The following PSMB2 variants were observed in gnomAD, a reference collection of about 807,000 sequenced individuals.
PSMB2 encodes the protein proteasome subunit beta type-2.
In PSMB2, 13 loss-of-function variants were observed where a neutral mutation model predicts 25.7. The ratio of observed to expected loss-of-function variants is 0.51; its 90% confidence interval spans 0.33 to 0.80. PSMB2 has a LOEUF of 0.80. Ranked by LOEUF, PSMB2 falls within the 30% of genes least tolerant of loss-of-function variation. The pLI is 0.02. For missense variants in PSMB2, 202 were observed against 259.0 expected, an observed-to-expected ratio of 0.78 and a Z score of 1.51; for synonymous variants, 87 against 96.2, an observed-to-expected ratio of 0.90 and a Z score of 0.56.
chr1:35,611,365 C>G (rs1337684775), intron 3 of PSMB2, among the ~76,000 whole-genome samples: 1 of 150,136 alleles, frequency 6.7e-6, no homozygotes, highest in Non-Finnish European at 1.5e-5. Context: ...AGGGGAGTAA[C>G]AGGCTTTTGT....
In PSMB2 at chr1:35,600,094, G is replaced by A. The variant is rs1036968303; in HGVS notation, c.*3173C>T. On this transcript the variant is annotated 3_prime_UTR_variant, in exon 6 of 6. Transcript: ENST00000373237. ...AAGTGAACTTACTGCAGTAAGCTAC[G>A]ATCGTGCCACTGTACTCCAGCCTAG... The A allele has an allele frequency of 4.7e-6, 4 of 850,354 alleles. No homozygotes were observed. The highest frequency in any genetic ancestry group is 6.2e-5 in the Admixed American group (1 of 16,094). The allele number at this position is 850,354 out of a possible 1,614,324, so 52.7% of individuals were successfully genotyped here.
intron 3 of PSMB2, among the ~76,000 whole-genome samples, chr1:35,618,464 G>T (rs546739232): frequency 3.5e-4 from 53 of 151,320 alleles, no homozygotes; most frequent in Non-Finnish European, 5.9e-4. Context: ...TAAAGAAAAT[G>T]ATTACAACGG....
At chr1:35,620,206 T>C (rs1650638655) in intron 3 of PSMB2, among the ~76,000 whole-genome samples, 1 of 152,234 alleles carries the variant, frequency 6.6e-6, no homozygotes, top group African/African-American at 2.4e-5. Context: ...TAGTTAGGAC[T>C]ATATATGATG....
intron 1 of PSMB2, among the ~76,000 whole-genome samples, chr1:35,640,245 T>C (rs1337122299): frequency 4.6e-5 from 7 of 152,174 alleles, no homozygotes; most frequent in Non-Finnish European, 1.0e-4. Flanking sequence ...TTAATGGTCA[T>C]TTGACAAATA....
intron 3 of PSMB2, among the ~76,000 whole-genome samples, chr1:35,628,126 T>C (rs1650919398): frequency 6.6e-6 from 1 of 152,178 alleles, no homozygotes; most frequent in Admixed American, 6.5e-5. Context: ...ATTCATATTT[T>C]AGAACTAAGA....
chr1:35,615,393 AACTTT>A (rs1650464089), intron 3 of PSMB2, among the ~76,000 whole-genome samples: 1 of 152,210 alleles, frequency 6.6e-6, no homozygotes, highest in African/African-American at 2.4e-5. Context: ...CACACAGGCA[AACTTT>A]ACTTAAGTTA....
chr1:35,625,723 C>T (rs1650837630), intron 3 of PSMB2, among the ~76,000 whole-genome samples: 1 of 151,184 alleles, frequency 6.6e-6, no homozygotes, highest in East Asian at 2.0e-4. Context: ...GATCGTGCCC[C>T]TGCACTCCAG....
At chr1:35,637,022 T>C (rs899741393) in intron 1 of PSMB2, among the ~76,000 whole-genome samples, 1 of 152,070 alleles carries the variant, frequency 6.6e-6, no homozygotes, top group Non-Finnish European at 1.5e-5. Flanking sequence ...CAATTGAAAA[T>C]ACAATTTAAA....
At chr1:35,637,928 T>C (rs1037125336) in intron 1 of PSMB2, among the ~76,000 whole-genome samples, 29 of 152,236 alleles carry the variant, frequency 1.9e-4, no homozygotes, top group Admixed American at 2.6e-4. Context: ...GGTAAGAGTA[T>C]GGGCAGTTTT....
At chr1:35,616,891 G>A (rs1232677021) in intron 3 of PSMB2, among the ~76,000 whole-genome samples, 1 of 152,114 alleles carries the variant, frequency 6.6e-6, no homozygotes, top group Non-Finnish European at 1.5e-5. Flanking sequence ...GACTTCATAT[G>A]TGAATTGGAA....
intron 4 of PSMB2, 122 bp from the exon 5 acceptor site, chr1:35,605,404 C>A: frequency 1.0e-6 from 1 of 982,594 alleles, no homozygotes; most frequent in Admixed American, 2.2e-5. Context: ...ACGTAAAAGG[C>A]AAAAAATGCT....
At chr1:35,631,640 C>A (rs755881702) in intron 2 of PSMB2, 2 of 414,840 alleles carry the variant, frequency 4.8e-6, no homozygotes, top group African/African-American at 2.1e-5. Flanking sequence ...TGGTTTCTGC[C>A]GTAGAAGGAA....
At position 35,600,412 on chromosome 1, in the gene PSMB2, A is replaced by T; in HGVS notation, c.*2855T>A. The T allele has an allele frequency of 2.4e-6, 2 of 832,120 alleles. No individual in the cohort carries two copies. The highest frequency in any genetic ancestry group is 2.9e-6 in the Non-Finnish European group (2 of 690,336). The allele number at this position is 832,120 out of a possible 1,614,324, so 51.5% of individuals were successfully genotyped here. On this transcript the variant is annotated 3_prime_UTR_variant, in exon 6 of 6. Coordinates refer to ENST00000373237, the MANE Select transcript of PSMB2 (RefSeq NM_002794.5). ...TTGACAAACATACTGTGGTATATAG[A>T]AGATGTTAACATTACAGAAACTGAA... is the stretch of plus-strand genomic sequence containing the variant.
chr1:35,637,032 A>G (rs1651262324), intron 1 of PSMB2, among the ~76,000 whole-genome samples: 1 of 152,234 alleles, frequency 6.6e-6, no homozygotes, highest in South Asian at 2.1e-4. Flanking sequence ...TACAATTTAA[A>G]GCATTTAAAG....
In PSMB2 at chr1:35,600,672, G is replaced by A. The variant is rs1163847472; in HGVS notation, c.*2595C>T. The A allele has an allele frequency of 1.0e-6, 1 of 985,370 alleles. No homozygotes were observed. The highest frequency in any genetic ancestry group is 4.7e-5 in the South Asian group (1 of 21,282). The allele number at this position is 985,370 out of a possible 1,614,324, so 61.0% of individuals were successfully genotyped here. A position where few individuals can be genotyped will look rare whatever the true frequency, so the allele number is the denominator to read the frequency against. On this transcript the variant is annotated 3_prime_UTR_variant, in exon 6 of 6. Transcript: ENST00000373237. ...TTCGATGTCCCTAAATCTGGAGGGTGAGCTATCTAGGAATGAGTTGATTTG... is the reference window on the plus strand; with the variant it reads ...TTCGATGTCCCTAAATCTGGAGGGTAAGCTATCTAGGAATGAGTTGATTTG...
At chr1:35,613,260 T>C (rs1419325679) in intron 3 of PSMB2, among the ~76,000 whole-genome samples, 4 of 152,170 alleles carry the variant, frequency 2.6e-5, no homozygotes, top group Admixed American at 2.6e-4. Context: ...CTGGCTTGGC[T>C]GAGCACAGTG....
chr1:35,620,704 G>A (rs1406622066), intron 3 of PSMB2, among the ~76,000 whole-genome samples: 3 of 151,456 alleles, frequency 2.0e-5, no homozygotes, highest in African/African-American at 4.8e-5. Context: ...CTCCAGCCTG[G>A]GCGACAAGGC....
At chr1:35,612,290 G>GTT (rs79659876) in intron 3 of PSMB2, among the ~76,000 whole-genome samples, 4 of 143,256 alleles carry the variant, frequency 2.8e-5, no homozygotes, top group South Asian at 2.2e-4. Flanking sequence ...GAGCTTCTGG[G>GTT]TTTTTTTTTT....
intron 3 of PSMB2, among the ~76,000 whole-genome samples, chr1:35,619,004 G>A (rs1650594666): frequency 6.6e-6 from 1 of 152,144 alleles, no homozygotes; most frequent in Non-Finnish European, 1.5e-5. Flanking sequence ...CACTTCCAGA[G>A]GACCAAGACA....
Sources: gnomAD v4.1 joint callset for allele counts (sites outside exome capture counted in the v4.1 genomes callset) on GRCh38, gnomAD v4.1.1 for gene constraint, MANE v1.5 for transcripts, NCBI Gene and HGNC (gene_info 2026-07-23, HGNC 2026-07-21) for gene names.